The following TNRC6B variants were observed in gnomAD, a reference collection of about 807,000 sequenced individuals.
TNRC6B encodes the protein trinucleotide repeat-containing gene 6B protein.
Under a neutral mutation model 203.6 loss-of-function variants are expected in TNRC6B, and 52 were observed. That is an observed-to-expected ratio of 0.26 (90% CI 0.20 to 0.32). TNRC6B has a LOEUF of 0.32. Ranked by LOEUF, TNRC6B falls within the 10% of genes least tolerant of loss-of-function variation. The probability of loss-of-function intolerance (pLI) is 1.00; values close to 1 mark genes in which losing one functional copy is unlikely to be tolerated. For missense variants in TNRC6B, 1,923 were observed against 2,286.2 expected, an observed-to-expected ratio of 0.84 and a Z score of 3.24; for synonymous variants, 838 against 845.7, an observed-to-expected ratio of 0.99 and a Z score of 0.16.
intron 1 of TNRC6B, among the ~76,000 whole-genome samples, chr22:40,059,302 A>G (rs558154871): frequency 1.3e-5 from 2 of 152,332 alleles, no homozygotes; most frequent in African/African-American, 4.8e-5. Context: ...TCTTACTGAT[A>G]TGATTGTGAT....
Position 40,331,670 on chromosome 22 carries a change from T to TTTAAA in TNRC6B, c.*8429_*8430insTTAAA, listed in dbSNP as rs2071468433. ...ATTTTTTTTTTTTTTTTTTTTTTTT[T>TTTAAA]CAAAAAAAAAAGTCCCACATGTGGT... On this transcript the variant is annotated 3_prime_UTR_variant, in exon 23 of 23. Transcript: ENST00000454349. The TTTAAA allele has an allele frequency of 1.0e-5, 2 of 190,824 alleles. No individual in the cohort carries two copies. Among genetic ancestry groups the TTTAAA allele is most frequent in the African/African-American group, 7.6e-5 (2 of 26,322 alleles). 11.8% of individuals were successfully genotyped at this position (190,824 alleles called of 1,614,324 possible).
rs1296269178 is a variant in TNRC6B at position 40,328,253 on chromosome 22, G to A, written c.*5012G>A. 6.6e-6 allele frequency: 1 copy of A among 152,158 alleles called. No homozygotes were observed. The highest frequency in any genetic ancestry group is 1.5e-5 in the Non-Finnish European group (1 of 68,014). The allele number at this position is 152,158 out of a possible 1,614,324, so 9.4% of individuals were successfully genotyped here. On this transcript the variant is annotated 3_prime_UTR_variant, in exon 23 of 23. Transcript: ENST00000454349. ...TAAATCACTTATCCATTTATTGCTA[G>A]TTAGTTTTATTTATAGCAACTTGAT... is the stretch of plus-strand genomic sequence containing the variant.
rs528227467 is a variant in TNRC6B at position 40,083,420 on chromosome 22, C to T, written c.-120-33635C>T. Among the ~76,000 whole-genome samples, 7 of 152,234 alleles carry T rather than the reference C, an allele frequency of 4.6e-5. No individual in the cohort carries two copies. In the East Asian group the frequency reaches 5.8e-4, roughly 13 times the overall value. Reference sequence around the variant, plus strand: ...CTGATGATAGGGGCAGAAGTCATGTCGGAATGGTTTTAACAGAGCTTGCGT... The same window carrying T: ...CTGATGATAGGGGCAGAAGTCATGTTGGAATGGTTTTAACAGAGCTTGCGT... On this transcript the variant is annotated intron_variant, in intron 1 of 23. Coordinates refer to the TNRC6B transcript ENST00000301923.
chr22:40,208,971 A>C (rs1195534025), intron 1 of TNRC6B, among the ~76,000 whole-genome samples: 13 of 152,224 alleles, frequency 8.5e-5, no homozygotes. Flanking sequence ...TCTCAAGAGC[A>C]GCCTGAAGGA....
At chr22:40,058,769 C>T (rs189295467) in intron 1 of TNRC6B, among the ~76,000 whole-genome samples, 1 of 152,272 alleles carries the variant, frequency 6.6e-6, no homozygotes, top group East Asian at 1.9e-4. Flanking sequence ...AATTCTGACA[C>T]ATTGAATCTG....
rs894235637 is a variant in TNRC6B at position 40,136,469 on chromosome 22, G to C, written c.45+10607G>C. 4.0e-5 allele frequency among the ~76,000 whole-genome samples: 6 copies of C among 150,958 alleles called. No homozygotes were observed. In the East Asian group the frequency reaches 5.9e-4, roughly 15 times the overall value. On this transcript the variant is annotated intron_variant, in intron 3 of 23. Coordinates refer to the TNRC6B transcript ENST00000301923. ...GCTGGAGTATAGTAGCCTGAACACA[G>C]CTCATTGCAGCCTGAACCTCTTGGG...
rs1239963843 is a variant in TNRC6B at position 40,106,586 on chromosome 22, C to G, written c.-120-10469C>G. On this transcript the variant is annotated intron_variant, in intron 1 of 23. Transcript: ENST00000301923. The stretch of plus-strand genomic sequence containing the variant: ...AGCAATTCGCTTCTTACTGAATTCT[C>G]CATAACCACGCTTGTAGATAAGTTC... The G allele has an allele frequency of 1.6e-5, 12 of 727,498 alleles. No homozygotes were observed. In the Admixed American group the frequency reaches 2.1e-4, roughly 13 times the overall value. 45.1% of individuals were successfully genotyped at this position (727,498 alleles called of 1,614,324 possible). A position where few individuals can be genotyped will look rare whatever the true frequency, so the allele number is the denominator to read the frequency against.
intron 1 of TNRC6B, among the ~76,000 whole-genome samples, chr22:40,186,284 C>T (rs921622213): frequency 6.6e-6 from 1 of 152,056 alleles, no homozygotes; most frequent in Non-Finnish European, 1.5e-5. Flanking sequence ...AGTTCAAATG[C>T]TGCACAGGAA....
chr22:40,307,366 G>A (rs1488585036), intron 15 of TNRC6B, among the ~76,000 whole-genome samples: 1 of 152,172 alleles, frequency 6.6e-6, no homozygotes, highest in Non-Finnish European at 1.5e-5. Context: ...TGGGAGGCTT[G>A]CTCGCCTCCC....
At chr22:40,147,271 ATGG>A (rs2146343737) in intron 3 of TNRC6B, among the ~76,000 whole-genome samples, 1 of 152,306 alleles carries the variant, frequency 6.6e-6, no homozygotes, top group Non-Finnish European at 1.5e-5. Context: ...AGAAAGTGGA[ATGG>A]TGCTTGTTAG....
intron 3 of TNRC6B, among the ~76,000 whole-genome samples, chr22:40,254,385 T>C (rs2070238007): frequency 1.3e-5 from 2 of 152,190 alleles, no homozygotes; most frequent in Non-Finnish European, 2.9e-5. Flanking sequence ...CCAGGCACCG[T>C]GGCACAGGCG....
chr22:40,329,138 G>A lies in TNRC6B; in HGVS notation c.*5897G>A, dbSNP rs1274065841. The A allele has an allele frequency of 6.6e-6, 1 of 152,238 alleles. No individual in the cohort carries two copies. Among genetic ancestry groups the A allele is most frequent in the East Asian group, 1.9e-4 (1 of 5,200 alleles). 9.4% of individuals were successfully genotyped at this position (152,238 alleles called of 1,614,324 possible). ...CGGATGAAAATATTCTGGTCTGTGTGTATACAATGAATTGTCAGTCTTCAG... is the reference window on the plus strand; with the variant it reads ...CGGATGAAAATATTCTGGTCTGTGTATATACAATGAATTGTCAGTCTTCAG... On this transcript the variant is annotated 3_prime_UTR_variant, in exon 23 of 23. Transcript: ENST00000454349.
At chr22:40,260,443 G>A (rs2070362289) in intron 3 of TNRC6B, among the ~76,000 whole-genome samples, 1 of 152,204 alleles carries the variant, frequency 6.6e-6, no homozygotes, top group African/African-American at 2.4e-5. Context: ...AGAAGGACTT[G>A]TAAATGGAGA....
At chr22:40,249,359 A>C (rs1178876571) in intron 2 of TNRC6B, among the ~76,000 whole-genome samples, 4 of 152,230 alleles carry the variant, frequency 2.6e-5, no homozygotes, top group African/African-American at 9.6e-5. Context: ...AATTACCTCC[A>C]CACAGAAATT....
chr22:40,287,030 G>A (rs1297438306), intron 12 of TNRC6B, among the ~76,000 whole-genome samples: 2 of 152,038 alleles, frequency 1.3e-5, no homozygotes, highest in African/African-American at 2.4e-5. Flanking sequence ...TTTTTTGGAG[G>A]TAGAGTCTCA....
At chr22:40,252,940 C>G (rs1244757028) in intron 3 of TNRC6B, among the ~76,000 whole-genome samples, 2 of 152,096 alleles carry the variant, frequency 1.3e-5, no homozygotes, top group Non-Finnish European at 2.9e-5. Context: ...AGTCTAGACT[C>G]TGGTTGCTGC....
At chr22:40,216,398 A>C (rs2069635775) in intron 1 of TNRC6B, among the ~76,000 whole-genome samples, 1 of 152,096 alleles carries the variant, frequency 6.6e-6, no homozygotes, top group South Asian at 2.1e-4. Context: ...TGCAGGAACT[A>C]AGTCAGTGTT....
chr22:40,298,638 C>G (rs1240269700), intron 12 of TNRC6B, among the ~76,000 whole-genome samples: 1 of 152,222 alleles, frequency 6.6e-6, no homozygotes, highest in African/African-American at 2.4e-5. Flanking sequence ...GTCAGAAAGG[C>G]TAAATGAGTA....
chr22:40,221,585 G>T (rs1036639176), intron 1 of TNRC6B, among the ~76,000 whole-genome samples: 1 of 152,120 alleles, frequency 6.6e-6, no homozygotes, highest in African/African-American at 2.4e-5. Flanking sequence ...GACCACAGGT[G>T]TGTGCCACCA....
Sources: allele counts gnomAD v4.1 joint callset (sites outside exome capture counted in the v4.1 genomes callset), GRCh38; gene constraint gnomAD v4.1.1; transcripts MANE v1.5; gene names NCBI Gene and HGNC (gene_info 2026-07-23, HGNC 2026-07-21).